SASH1: variants seen among roughly 807,000 people sequenced by gnomAD.
SASH1 encodes SAM and SH3 domain containing 1.
Under a neutral mutation model 125.2 loss-of-function variants are expected in SASH1, and 44 were observed. The ratio of observed to expected loss-of-function variants is 0.35; its 90% CI spans 0.28 to 0.45. SASH1 has a LOEUF of 0.45. Among genes scored for constraint, SASH1 ranks in the 20% least tolerant of loss-of-function variants. The pLI is 1.00. For missense variants in SASH1, 1,426 were observed against 1,614.5 expected (o/e 0.88, Z 2.00); for synonymous variants, 639 against 649.1 (o/e 0.98, Z 0.24).
the SASH1 span, among the ~76,000 whole-genome samples, chr6:148,200,568 G>A: frequency 5.3e-5 from 8 of 152,218 alleles, no homozygotes; most frequent in African/African-American, 9.6e-5. Context: ...GTGCCAAGGC[G>A]AGGTGATTGG....
intron 4 of SASH1, among the ~76,000 whole-genome samples, chr6:148,455,928 G>T (rs752570898): frequency 7.9e-5 from 12 of 151,936 alleles, no homozygotes; most frequent in Non-Finnish European, 1.8e-4. Flanking sequence ...CTTCAGTGCT[G>T]CTTCCCCTGG....
intron 7 of SASH1, among the ~76,000 whole-genome samples, chr6:148,486,084 T>A (rs1778826301): frequency 1.3e-5 from 2 of 152,274 alleles, no homozygotes; most frequent in African/African-American, 2.4e-5. Context: ...TTATAAAAAA[T>A]TTTTAAAAGT....
intron 1 of SASH1, among the ~76,000 whole-genome samples, chr6:148,388,930 T>C (rs1187097078): frequency 2.7e-5 from 4 of 150,932 alleles, no homozygotes; most frequent in Non-Finnish European, 4.4e-5. Flanking sequence ...CATTTATTTA[T>C]ACCAAAGAGC....
chr6:148,432,661 T>G (rs1348274931), intron 2 of SASH1, among the ~76,000 whole-genome samples: 1 of 152,172 alleles, frequency 6.6e-6, no homozygotes, highest in African/African-American at 2.4e-5. Flanking sequence ...CCTCTCCATT[T>G]TTGGAACAGA....
chr6:148,389,084 A>G (rs1783593718), intron 1 of SASH1, among the ~76,000 whole-genome samples: 1 of 152,206 alleles, frequency 6.6e-6, no homozygotes, highest in Non-Finnish European at 1.5e-5. Context: ...GTATGTTTTT[A>G]GGAATCCATT....
At chr6:148,308,362 G>T (rs1780200242) in intron 1 of SASH1, among the ~76,000 whole-genome samples, 1 of 150,900 alleles carries the variant, frequency 6.6e-6, no homozygotes, top group Non-Finnish European at 1.5e-5. Flanking sequence ...GAACTCTTCA[G>T]GTATCATATC....
At position 148,519,939 on chromosome 6, in the gene SASH1, C is replaced by T; in HGVS notation, c.1209+46C>T. 7.4e-7 allele frequency: 1 copy of T among 1,352,118 alleles called. No individual in the cohort carries two copies. Among genetic ancestry groups the T allele is most frequent in the Non-Finnish European group, 1.0e-6 (1 of 995,358 alleles). 83.8% of individuals were successfully genotyped at this position (1,352,118 alleles called of 1,614,324 possible). Reference sequence around the variant, plus strand: ...CTTCTATGACAACCACCGTCGCAGGCACCACCTTCTGGTGTCCCTGGAGGA... The same window carrying T: ...CTTCTATGACAACCACCGTCGCAGGTACCACCTTCTGGTGTCCCTGGAGGA... On this transcript the variant is annotated intron_variant, in intron 10 of 19. Transcript: ENST00000367467. The surrounding 1 kb of genome is among the most constrained non-coding windows in gnomAD (Gnocchi z 4.8).
At chr6:148,201,502 C>G in the SASH1 span, among the ~76,000 whole-genome samples, 1 of 152,088 alleles carries the variant, frequency 6.6e-6, no homozygotes, top group Admixed American at 6.5e-5. Flanking sequence ...ATTCAGTGGC[C>G]TAGGGTGGGA....
intron 4 of SASH1, among the ~76,000 whole-genome samples, chr6:148,442,542 C>A (rs916190152): frequency 1.9e-4 from 29 of 152,074 alleles, no homozygotes; most frequent in Middle Eastern, 6.8e-3. Context: ...CTCTCACACA[C>A]CCCCTGCCCC....
chr6:148,547,611 A>C (rs1437710995), intron 19 of SASH1, among the ~76,000 whole-genome samples: 1 of 152,202 alleles, frequency 6.6e-6, no homozygotes, highest in Non-Finnish European at 1.5e-5. Context: ...CATCCTTGTT[A>C]ATAAATCTTT....
At chr6:148,299,331 A>G (rs1779868580) in intron 1 of SASH1, among the ~76,000 whole-genome samples, 1 of 148,010 alleles carries the variant, frequency 6.8e-6, no homozygotes, top group African/African-American at 2.5e-5. Flanking sequence ...TTTTTTTTTT[A>G]GCATTTATTG....
intron 1 of SASH1, among the ~76,000 whole-genome samples, chr6:148,349,252 C>CTTTCTT (rs1781629223): frequency 2.1e-5 from 1 of 47,022 alleles, no homozygotes; most frequent in African/African-American, 8.5e-5. Flanking sequence ...TTCTTTCTTT[C>CTTTCTT]TTTTTTTTTT....
intron 17 of SASH1, among the ~76,000 whole-genome samples, chr6:148,540,909 T>C (rs1353006178): frequency 6.6e-6 from 1 of 152,206 alleles, no homozygotes; most frequent in African/African-American, 2.4e-5. Context: ...AGCAGCAGTG[T>C]CTTAAATGCC....
rs774070614 is a variant in SASH1 at position 148,390,173 on chromosome 6, T to A, written c.196T>A (p.Tyr66Asn). ...AAACATCGATGACCTGGCGCAGCAGTATGCAGATTATTACAACACCTGTTT... is the reference window on the plus strand; with the variant it reads ...AAACATCGATGACCTGGCGCAGCAGAATGCAGATTATTACAACACCTGTTT... The part of the protein sequence containing the change: ...LGNIDDLAQQ[Y>N]ADYYNTCFSD... The change falls in exon 2 of 20, where the codon TAT becomes AAT. Residue 66 changes from tyrosine (Y) to asparagine (N), a missense_variant. Tyr to Asn is a moderately radical substitution (Grantham distance 143). This residue lies in a region of SASH1 where 567 missense variants were observed against 575.6 expected (regional missense o/e 0.99). Transcript: ENST00000367467. 8.1e-6 allele frequency: 13 copies of A among 1,613,670 alleles called. No individual in the cohort carries two copies. The highest frequency in any genetic ancestry group is 1.1e-5 in the Non-Finnish European group (13 of 1,179,842).
At chr6:148,440,907 G>GT (rs1307955953) in intron 4 of SASH1, among the ~76,000 whole-genome samples, 1 of 152,078 alleles carries the variant, frequency 6.6e-6, no homozygotes, top group African/African-American at 2.4e-5. Flanking sequence ...CCTGTTAAAG[G>GT]TAATATTTTT....
chr6:148,526,695 G>A (rs1781181498), intron 11 of SASH1, among the ~76,000 whole-genome samples: 1 of 152,122 alleles, frequency 6.6e-6, no homozygotes, highest in South Asian at 2.1e-4. Flanking sequence ...CTTTAAGAGA[G>A]AGAAATTTAC....
chr6:148,230,418 G>A, the SASH1 span, among the ~76,000 whole-genome samples: 2 of 151,630 alleles, frequency 1.3e-5, no homozygotes, highest in African/African-American at 2.4e-5. Flanking sequence ...GCTCAGATGA[G>A]CCTCCTGCCT....
chr6:148,445,924 A>G (rs549162164), intron 4 of SASH1, among the ~76,000 whole-genome samples: 2 of 152,220 alleles, frequency 1.3e-5, no homozygotes, highest in African/African-American at 2.4e-5. Flanking sequence ...AGGCAGGGGC[A>G]TATACTAGAA....
At chr6:148,358,372 C>G (rs185189456) in intron 1 of SASH1, among the ~76,000 whole-genome samples, 1 of 152,162 alleles carries the variant, frequency 6.6e-6, no homozygotes, top group African/African-American at 2.4e-5. Flanking sequence ...GAGAAGTAAG[C>G]ACTGAATTAT....
Sources: allele counts gnomAD v4.1 joint callset (sites outside exome capture counted in the v4.1 genomes callset), GRCh38; gene constraint gnomAD v4.1.1; regional missense constraint gnomAD v4.1.1; non-coding constraint Gnocchi (gnomAD v3.1); transcripts MANE v1.5; gene names NCBI Gene and HGNC (gene_info 2026-07-23, HGNC 2026-07-21).